Variants in VPS13D observed in about 807,000 individuals in gnomAD.
VPS13D encodes the protein vacuolar protein sorting 13 homolog D.
A neutral mutation model predicts 461.9 loss-of-function variants in VPS13D; 187 were observed. The ratio of observed to expected loss-of-function variants is 0.40; its 90% CI spans 0.36 to 0.46. The LOEUF (loss-of-function observed/expected upper bound fraction) is 0.46, where lower values mean the gene tolerates loss of function less well. Among genes scored for constraint, VPS13D ranks in the 20% least tolerant of loss-of-function variants. VPS13D has a pLI of 0.60. For missense variants in VPS13D, 4,711 were observed against 5,364.9 expected, an observed-to-expected ratio of 0.88 and a Z score of 3.81; for synonymous variants, 1,951 against 1,986.3, an observed-to-expected ratio of 0.98 and a Z score of 0.47.
At position 12,512,001 on chromosome 1, in the gene VPS13D, C is replaced by T. The variant is rs1044431587; in HGVS notation, c.*2977C>T. The T allele has an allele frequency of 6.6e-6, 1 of 152,222 alleles. No homozygotes were observed. Among genetic ancestry groups the T allele is most frequent in the Non-Finnish European group, 1.5e-5 (1 of 68,056 alleles). 9.4% of individuals were successfully genotyped at this position (152,222 alleles called of 1,614,324 possible). On this transcript the variant is annotated 3_prime_UTR_variant, in exon 70 of 70. Transcript: ENST00000620676. Reference sequence around the variant, plus strand: ...TTGAGTCTGGTTCTCATATCAGAGTCATCATTTTTCTTCCTGTGGAATAAA... The same window carrying T: ...TTGAGTCTGGTTCTCATATCAGAGTTATCATTTTTCTTCCTGTGGAATAAA...
chr1:12,362,089 C>G (rs183588954), intron 50 of VPS13D, among the ~76,000 whole-genome samples: 1 of 151,930 alleles, frequency 6.6e-6, no homozygotes, highest in African/African-American at 2.4e-5. Context: ...TCTTGAACTC[C>G]TGACCTCAAA....
chr1:12,438,019 GGCT>G (rs1645083194), intron 65 of VPS13D, among the ~76,000 whole-genome samples: 1 of 152,100 alleles, frequency 6.6e-6, no homozygotes, highest in Non-Finnish European at 1.5e-5. Context: ...TCCTAGCCCT[GGCT>G]TTCTTAGCAC....
chr1:12,379,568 C>T lies in VPS13D; in HGVS notation c.11162C>T (p.Thr3721Ile), dbSNP rs1352713743. 1.2e-6 allele frequency: 2 copies of T among 1,613,502 alleles called. No homozygotes were observed. The highest frequency in any genetic ancestry group is 1.7e-6 in the Non-Finnish European group (2 of 1,179,708). The change falls in exon 57 of 70, where the codon ACC becomes ATC. Residue 3721 changes from threonine (T) to isoleucine (I), a missense_variant. By Grantham distance (89) the Thr-to-Ile change is moderately conservative. Around this residue, in one of 3 missense-constraint regions of VPS13D, gnomAD observed 4,411 missense variants for 4,937.8 expected, o/e 0.89. Transcript: ENST00000620676. Reference sequence around the variant, plus strand: ...TGGAGTTTCCGAGAAGGAAAACTGACCTGTGGGTTACATGGGTTGGTCGTC... The same window carrying T: ...TGGAGTTTCCGAGAAGGAAAACTGATCTGTGGGTTACATGGGTTGGTCGTC... ...QTWSFREGKL[T>I]CGLHGLVVQA...
chr1:12,311,462 G>T lies in VPS13D; in HGVS notation c.6659G>T (p.Ser2220Ile), dbSNP rs1443788897. The T allele has an allele frequency of 6.2e-7, 1 of 1,607,230 alleles. No individual in the cohort carries two copies. Residue 2220 changes from serine (S) to isoleucine (I), a missense_variant, in exon 28 of 70, where the codon AGT becomes ATT. Ser to Ile is a moderately radical substitution (Grantham distance 142). Transcript: ENST00000620676. ...TTTTTTCTTTTTCATAGAGAAATAA[G>T]TCATACTGTGCCAGACATATCTATC... ...QVERNLDKEISHTVPDISIHG... is the reference protein window; with the variant it reads ...QVERNLDKEIIHTVPDISIHG...
chr1:12,326,207 G>A (rs1312101116), intron 35 of VPS13D, among the ~76,000 whole-genome samples: 2 of 136,476 alleles, frequency 1.5e-5, no homozygotes, highest in African/African-American at 5.7e-5. Flanking sequence ...TTAGTTTTTG[G>A]TTTAATTAAT....
rs1029286239 is a variant in VPS13D, at chr1:12,335,792, T to A, written c.8516T>A (p.Met2839Lys). The A allele has an allele frequency of 3.7e-6, 6 of 1,614,206 alleles. No individual in the cohort carries two copies. The Admixed American group carries it at 8.3e-5, about 22-fold the overall frequency. Residue 2839 changes from methionine to lysine, a missense_variant, in exon 39 of 70, where the codon ATG (methionine) becomes AAG (lysine). Physicochemically the swap from Met to Lys is moderately conservative, Grantham distance 95 (BLOSUM62 -1). Transcript: ENST00000620676. ...GAGTCAGCTAAATCAGAAGACTGGA[T>A]GGGCTCTTCGGTGGATCCTCCATGT... is the stretch of plus-strand genomic sequence containing the variant. ...DIESAKSEDWMGSSVDPPCFG... is the reference protein window; with the variant it reads ...DIESAKSEDWKGSSVDPPCFG...
rs1172761201 is a variant in VPS13D, at chr1:12,497,392, AT to A, written c.12663-107del. On this transcript the variant is annotated intron_variant, in intron 67 of 69. Transcript: ENST00000620676. ...ACTGTAGGTTAATTCTGTTCACTAA[AT>A]GTAAAGTATGTCTCGTATTACAGAG... 8.9e-6 allele frequency: 12 copies of A among 1,352,694 alleles called. No individual in the cohort carries two copies. In the Admixed American group the frequency reaches 2.9e-4, roughly 32 times the overall value. 83.8% of individuals were successfully genotyped at this position (1,352,694 alleles called of 1,614,324 possible).
rs371182245 is a variant in VPS13D at position 12,456,093 on chromosome 1, T to G, written c.12429T>G (p.Gly4143=). The change falls in exon 66 of 70, where the codon GGT becomes GGG. Residue 4143 remains glycine (G), a synonymous_variant. Coordinates refer to ENST00000620676, the MANE Select transcript of VPS13D (RefSeq NM_015378.4). ...EYIRYHAATS[G]EHLVAGIHGL... ...TCAGGTACCATGCAGCCACAAGTGG[T>G]GAACACCTTGTAGCCGGCATCCATG... The G allele has an allele frequency of 6.6e-5, 106 of 1,613,592 alleles. No individual in the cohort carries two copies. Among genetic ancestry groups the G allele is most frequent in the Non-Finnish European group, 8.7e-5 (103 of 1,179,830 alleles).
chr1:12,253,275 T>A (rs764111953), intron 6 of VPS13D, among the ~76,000 whole-genome samples: 4 of 152,180 alleles, frequency 2.6e-5, no homozygotes, highest in Non-Finnish European at 5.9e-5. Context: ...ATGGGTAGGT[T>A]ATACGCAAAT....
At chr1:12,443,781 C>G (rs1331489386) in intron 65 of VPS13D, among the ~76,000 whole-genome samples, 1 of 151,906 alleles carries the variant, frequency 6.6e-6, no homozygotes, top group Non-Finnish European at 1.5e-5. Flanking sequence ...CATCTGGGCC[C>G]TTTTCCTTCT....
chr1:12,469,263 G>GTA (rs1645532873), intron 67 of VPS13D, among the ~76,000 whole-genome samples: 2 of 152,014 alleles, frequency 1.3e-5, no homozygotes, highest in South Asian at 4.1e-4. Flanking sequence ...AAACCTATTT[G>GTA]TATATATTCA....
chr1:12,320,982 A>G (rs1469496641), intron 32 of VPS13D, among the ~76,000 whole-genome samples: 1 of 152,180 alleles, frequency 6.6e-6, no homozygotes, highest in Non-Finnish European at 1.5e-5. Flanking sequence ...CAGCACTAGG[A>G]TAGGTCCCAA....
rs1304806717 is a variant in VPS13D, at chr1:12,271,056, A to C, written c.2035A>C (p.Lys679Gln). The change falls in exon 17 of 70, where the codon AAG (lysine) becomes CAG (glutamine). Residue 679 changes from lysine (K) to glutamine (Q), a missense_variant. Around this residue, in one of 3 missense-constraint regions of VPS13D, gnomAD observed 4,411 missense variants for 4,937.8 expected, o/e 0.89. Coordinates refer to ENST00000620676, the MANE Select transcript of VPS13D (RefSeq NM_015378.4). ...VAEAARRQYN[K>Q]LKMQTKAEIR... Reference sequence around the variant, plus strand: ...TGAAGCTGCCCGAAGACAATATAACAAGCTGAAGATGCAGACCAAGGCAGA... The same window carrying C: ...TGAAGCTGCCCGAAGACAATATAACCAGCTGAAGATGCAGACCAAGGCAGA... The C allele has an allele frequency of 6.2e-7, 1 of 1,614,024 alleles. No homozygotes were observed. Among genetic ancestry groups the C allele is most frequent in the African/African-American group, 1.3e-5 (1 of 75,018 alleles).
At position 12,495,614 on chromosome 1, in the gene VPS13D, G is replaced by C. The variant is rs1482691127; in HGVS notation, c.12663-1886G>C. Among the ~76,000 whole-genome samples, 1 of 152,162 alleles carries C rather than the reference G, an allele frequency of 6.6e-6. No individual in the cohort carries two copies. The highest frequency in any genetic ancestry group is 1.5e-5 in the Non-Finnish European group (1 of 68,036). On this transcript the variant is annotated intron_variant, in intron 67 of 69. Coordinates refer to ENST00000620676, the MANE Select transcript of VPS13D (RefSeq NM_015378.4). The surrounding 1 kb of genome is among the most constrained non-coding windows in gnomAD (Gnocchi z 4.0). ...TCGAGATGGAGAAATAGTCAGATTT[G>C]GGATATATATTGAATTTGAGCCTGC...
intron 20 of VPS13D, 107 bp from the exon 21 acceptor site, chr1:12,282,598 C>G: frequency 9.1e-7 from 1 of 1,101,316 alleles, no homozygotes; most frequent in South Asian, 1.5e-5. Flanking sequence ...TATCAGGTAA[C>G]TTACAGCCTC....
At chr1:12,237,566 C>T (rs1640197080) in intron 2 of VPS13D, among the ~76,000 whole-genome samples, 2 of 147,334 alleles carry the variant, frequency 1.4e-5, no homozygotes, top group South Asian at 4.3e-4. Flanking sequence ...CGCCTGTAAT[C>T]CTAGCACTTC....
At chr1:12,325,020 C>T (rs1643142523) in intron 35 of VPS13D, among the ~76,000 whole-genome samples, 1 of 152,210 alleles carries the variant, frequency 6.6e-6, no homozygotes, top group South Asian at 2.1e-4. Flanking sequence ...TCCTTTCCAT[C>T]TCCATGTTTC....
intron 67 of VPS13D, among the ~76,000 whole-genome samples, chr1:12,483,119 G>T (rs995626878): frequency 6.6e-6 from 1 of 152,148 alleles, no homozygotes; most frequent in South Asian, 2.1e-4. Context: ...ATTGTGAATT[G>T]CCTTCTAGGG....
intron 53 of VPS13D, 145 bp downstream of exon 53, chr1:12,368,736 C>A: frequency 1.9e-6 from 2 of 1,042,728 alleles, no homozygotes; most frequent in Non-Finnish European, 2.6e-6. Flanking sequence ...CTGGACAAGC[C>A]TAGAAATCCT....
Sources: allele counts gnomAD v4.1 joint callset (sites outside exome capture counted in the v4.1 genomes callset), GRCh38; gene constraint gnomAD v4.1.1; regional missense constraint gnomAD v4.1.1; non-coding constraint Gnocchi (gnomAD v3.1); transcripts MANE v1.5; gene names NCBI Gene and HGNC (gene_info 2026-07-23, HGNC 2026-07-21).